TRPM3: variants seen among roughly 807,000 people sequenced by gnomAD.
TRPM3 encodes transient receptor potential cation channel subfamily M member 3.
A neutral mutation model predicts 181.2 loss-of-function variants in TRPM3; 77 were observed. The ratio of observed to expected loss-of-function variants is 0.42; its 90% CI spans 0.35 to 0.51. TRPM3 has a LOEUF of 0.51. Ranked by LOEUF, TRPM3 falls within the 20% of genes least tolerant of loss-of-function variation. TRPM3 has a pLI of 0.01. For missense variants in TRPM3, 1,759 were observed against 2,196.7 expected (o/e 0.80, Z 3.98); for synonymous variants, 745 against 796.4 (o/e 0.94, Z 1.09).
intron 1 of TRPM3, among the ~76,000 whole-genome samples, chr9:71,196,160 C>CAT (rs2078339799): frequency 1.7e-5 from 2 of 116,062 alleles, no homozygotes; most frequent in African/African-American, 6.9e-5. Context: ...TATATACACA[C>CAT]ACGTATATGT....
intron 1 of TRPM3, among the ~76,000 whole-genome samples, chr9:70,872,816 A>T (rs1157155331): frequency 6.6e-6 from 1 of 151,954 alleles, no homozygotes; most frequent in East Asian, 1.9e-4. Context: ...GATGTAGGCA[A>T]ATCATCTGAT....
chr9:71,367,986 ATATGTGCACACACACATGTGAGTG>A (rs1460424574), intron 1 of TRPM3, among the ~76,000 whole-genome samples: 1 of 121,160 alleles, frequency 8.3e-6, no homozygotes, highest in African/African-American at 2.8e-5. Context: ...ATATGCACAT[ATATGTGCACACACACATGTGAGTG>A]TATGTGTACA....
intron 6 of TRPM3, among the ~76,000 whole-genome samples, chr9:70,795,268 T>C (rs1188474310): frequency 6.6e-6 from 1 of 152,326 alleles, no homozygotes; most frequent in Non-Finnish European, 1.5e-5. Context: ...TTCACAAAAC[T>C]GTTTTGAATA....
At chr9:70,642,436 C>T (rs2133611015) in intron 9 of TRPM3, among the ~76,000 whole-genome samples, 1 of 152,288 alleles carries the variant, frequency 6.6e-6, no homozygotes, top group Non-Finnish European at 1.5e-5. Flanking sequence ...CTGGGTTCGC[C>T]AGCAGTCAAG....
rs1032764751 is a variant in TRPM3 at position 71,071,358 on chromosome 9, G to A, written c.177+49820C>T. Among the ~76,000 whole-genome samples, 3 of 152,310 alleles carry A rather than the reference G, an allele frequency of 2.0e-5. 1 individual carries two copies. The highest frequency in any genetic ancestry group is 6.5e-5 in the Admixed American group (1 of 15,294). On this transcript the variant is annotated intron_variant, in intron 1 of 25. Coordinates refer to ENST00000677713, the MANE Select transcript of TRPM3 (RefSeq NM_001366145.2). ...ATTTGGGAATCTTTTGATTACAAAA[G>A]TATAGCCTGCACCTTAACTAATAAA... is the stretch of plus-strand genomic sequence containing the variant.
intron 1 of TRPM3, among the ~76,000 whole-genome samples, chr9:70,990,122 C>T (rs571959114): frequency 1.1e-4 from 16 of 152,236 alleles, no homozygotes; most frequent in Admixed American, 1.3e-4. Context: ...CTAGAAATTC[C>T]GGCTTTCAAG....
chr9:71,304,886 C>A (rs931479190), intron 1 of TRPM3, among the ~76,000 whole-genome samples: 2 of 152,150 alleles, frequency 1.3e-5, no homozygotes, highest in African/African-American at 4.8e-5. Flanking sequence ...GGTCTTCTCT[C>A]CTTGCCTAGG....
chr9:71,129,059 CT>C (rs1197116774), intron 1 of TRPM3, among the ~76,000 whole-genome samples: 1 of 152,166 alleles, frequency 6.6e-6, no homozygotes, highest in Non-Finnish European at 1.5e-5. Context: ...AGTAACTCTG[CT>C]TGGTAGAGAA....
chr9:71,300,758 A>C (rs186836537), intron 1 of TRPM3, among the ~76,000 whole-genome samples: 16 of 152,262 alleles, frequency 1.1e-4, no homozygotes, highest in Admixed American at 3.9e-4. Flanking sequence ...AGCAATCCCT[A>C]GATGATCTAT....
chr9:70,846,341 G>T, intron 4 of TRPM3, 37 bp downstream of exon 4: 2 of 1,558,358 alleles, frequency 1.3e-6, no homozygotes, highest in Non-Finnish European at 1.8e-6. Flanking sequence ...ACATTCCCAT[G>T]GCCTATGTTG....
chr9:70,665,151 T>C (rs987151194), intron 9 of TRPM3, among the ~76,000 whole-genome samples: 1 of 152,032 alleles, frequency 6.6e-6, no homozygotes, highest in African/African-American at 2.4e-5. Context: ...AGCTGAACTC[T>C]TCCTCTTCCC....
At chr9:70,743,488 T>A (rs897255892) in intron 8 of TRPM3, among the ~76,000 whole-genome samples, 7 of 152,182 alleles carry the variant, frequency 4.6e-5, no homozygotes, top group African/African-American at 1.7e-4. Flanking sequence ...TAAAATGATC[T>A]CCTATGCAAT....
chr9:71,329,277 C>T (rs924906498), intron 1 of TRPM3, among the ~76,000 whole-genome samples: 2 of 152,188 alleles, frequency 1.3e-5, no homozygotes, highest in Non-Finnish European at 2.9e-5. Context: ...CAAATTAGCA[C>T]CTGCAAAGAA....
intron 1 of TRPM3, among the ~76,000 whole-genome samples, chr9:71,218,517 A>C (rs1349373531): frequency 6.6e-6 from 1 of 152,226 alleles, no homozygotes; most frequent in Non-Finnish European, 1.5e-5. Context: ...ATTATCTATG[A>C]AATTTGCCAA....
chr9:71,161,673 A>G (rs1002960806), intron 1 of TRPM3, among the ~76,000 whole-genome samples: 1 of 152,200 alleles, frequency 6.6e-6, no homozygotes, highest in Non-Finnish European at 1.5e-5. Context: ...CTAAGGAAAC[A>G]GTGAATAGGA....
chr9:71,421,083 C>T (rs527925544), intron 1 of TRPM3, among the ~76,000 whole-genome samples: 244 of 150,106 alleles, frequency 1.6e-3, no homozygotes, highest in African/African-American at 5.6e-3. Flanking sequence ...CAGCTGGAGG[C>T]CATTATCCTA....
chr9:71,167,474 C>T (rs905141449), intron 1 of TRPM3, among the ~76,000 whole-genome samples: 3 of 152,122 alleles, frequency 2.0e-5, no homozygotes, highest in African/African-American at 7.2e-5. Flanking sequence ...CATATCACAC[C>T]CTTCTGCAAA....
chr9:70,836,295 TA>T (rs1487079980), intron 5 of TRPM3, among the ~76,000 whole-genome samples: 4 of 152,196 alleles, frequency 2.6e-5, no homozygotes, highest in African/African-American at 9.6e-5. Flanking sequence ...TATCAGCACA[TA>T]AACAAACTCC....
intron 1 of TRPM3, among the ~76,000 whole-genome samples, chr9:71,379,533 C>T (rs2092745536): frequency 1.3e-5 from 2 of 151,950 alleles, no homozygotes; most frequent in African/African-American, 4.8e-5. Context: ...ATTCTGGCTA[C>T]AGATTAGCAT....
Sources: allele counts gnomAD v4.1 joint callset (sites outside exome capture counted in the v4.1 genomes callset), GRCh38; gene constraint gnomAD v4.1.1; transcripts MANE v1.5; gene names NCBI Gene and HGNC (gene_info 2026-07-23, HGNC 2026-07-21).